RCBTB1: variants seen among roughly 807,000 people sequenced by gnomAD.
The protein encoded by RCBTB1 is RCC1 and BTB domain containing protein 1.
RCBTB1 carries 46 observed loss-of-function variants against 62.4 expected under a neutral mutation model. The ratio of observed to expected loss-of-function variants is 0.74; its 90% CI spans 0.58 to 0.94. The LOEUF (loss-of-function observed/expected upper bound fraction) is 0.94, where lower values mean the gene tolerates loss of function less well. Ranked by LOEUF, RCBTB1 falls within the 40% of genes least tolerant of loss-of-function variation. RCBTB1 has a pLI of 0.00. For missense variants in RCBTB1, 565 were observed against 654.9 expected, an observed-to-expected ratio of 0.86 and a Z score of 1.50; for synonymous variants, 222 against 245.8, an observed-to-expected ratio of 0.90 and a Z score of 0.91.
In RCBTB1 at chr13:49,576,030, C is replaced by A. The variant is rs894602037; in HGVS notation, c.-42+4475G>T. Among the ~76,000 whole-genome samples the A allele has an allele frequency of 2.0e-5, 3 of 151,490 alleles. No individual in the cohort carries two copies. The South Asian group carries it at 6.2e-4, about 31-fold the overall frequency. On this transcript the variant is annotated intron_variant, in intron 2 of 12. Transcript: ENST00000378302. ...TGAAACCTCGTCTCTACTAAAAATA[C>A]GAAAAAATTAGCCGGGTGTGGTGGC...
At chr13:49,548,282 C>T (rs1009919707) in intron 9 of RCBTB1, among the ~76,000 whole-genome samples, 3 of 151,472 alleles carry the variant, frequency 2.0e-5, no homozygotes, top group African/African-American at 7.3e-5. Context: ...ATCCCAGCTA[C>T]TCAGGAGGCT....
intron 5 of RCBTB1, among the ~76,000 whole-genome samples, chr13:49,558,385 A>T (rs774870914): frequency 6.6e-6 from 1 of 152,186 alleles, no homozygotes; most frequent in African/African-American, 2.4e-5. Flanking sequence ...AATACAAATT[A>T]TTAGAAAATA....
At chr13:49,564,912 A>C (rs1049797070) in intron 4 of RCBTB1, among the ~76,000 whole-genome samples, 1 of 152,062 alleles carries the variant, frequency 6.6e-6, no homozygotes, top group African/African-American at 2.4e-5. Context: ...GAAAGAAAGA[A>C]AAGAAAAACG....
At position 49,566,660 on chromosome 13, in the gene RCBTB1, G is replaced by C; in HGVS notation, c.235C>G (p.Leu79Val). The C allele has an allele frequency of 6.2e-7, 1 of 1,614,100 alleles. No homozygotes were observed. The highest frequency in any genetic ancestry group is 1.3e-5 in the African/African-American group (1 of 75,042). The change falls in exon 4 of 13, where the codon CTC (leucine) becomes GTC (valine). Residue 79 changes from leucine (L) to valine (V), a missense_variant. Coordinates refer to ENST00000378302, the MANE Select transcript of RCBTB1 (RefSeq NM_018191.4). ...ACATGTGGTCCACTCCCGTAACTGAGGCTTTTAATCTTCTTTCCACATAAG... is the reference window on the plus strand; with the variant it reads ...ACATGTGGTCCACTCCCGTAACTGACGCTTTTAATCTTCTTTCCACATAAG... ...EGLCGKKIKS[L>V]SYGSGPHVLL...
intron 1 of RCBTB1, among the ~76,000 whole-genome samples, chr13:49,583,167 C>T (rs1964204259): frequency 6.6e-6 from 1 of 151,440 alleles, no homozygotes; most frequent in Non-Finnish European, 1.5e-5. Flanking sequence ...ATAGTGAGAC[C>T]CTGTCTCAAA....
intron 12 of RCBTB1, among the ~76,000 whole-genome samples, chr13:49,535,742 A>C (rs1959886698): frequency 6.6e-6 from 1 of 152,074 alleles, no homozygotes; most frequent in Middle Eastern, 3.2e-3. Context: ...GATAAACCAC[A>C]GGCCAGGCGT....
Position 49,544,785 on chromosome 13 carries a change from C to A in RCBTB1, c.1124G>T (p.Arg375Leu). 1.2e-6 allele frequency: 2 copies of A among 1,611,318 alleles called. No individual in the cohort carries two copies. Among genetic ancestry groups the A allele is most frequent in the East Asian group, 2.2e-5 (1 of 44,750 alleles). ...GACATGAATATATTTTCCATCAATT[C>A]GAAACTTCAGATCAGCAGTTTCTGG... ...DSPETADLKF[R>L]IDGKYIHVHK... Residue 375 changes from arginine (R) to leucine (L), a missense_variant, in exon 10 of 13, where the codon CGA becomes CTA. By Grantham distance (102) the Arg-to-Leu change is moderately radical. Coordinates refer to ENST00000378302, the MANE Select transcript of RCBTB1 (RefSeq NM_018191.4).
At chr13:49,546,331 G>A in intron 9 of RCBTB1, 1 of 985,176 alleles carries the variant, frequency 1.0e-6, no homozygotes, top group Non-Finnish European at 1.2e-6. Flanking sequence ...CAAAGTGAGA[G>A]GGAAAAAACA....
At chr13:49,562,101 G>GA (rs560679693) in intron 4 of RCBTB1, among the ~76,000 whole-genome samples, 4,477 of 111,336 alleles carry the variant, frequency 0.04, 241 homozygotes, top group African/African-American at 0.13. Flanking sequence ...CTATCTCAAA[G>GA]AAAAAAAAAA....
chr13:49,547,095 T>A, intron 9 of RCBTB1: 1 of 1,283,694 alleles, frequency 7.8e-7, no homozygotes. Flanking sequence ...GTGCTTCAGC[T>A]GGGTATGCCA....
chr13:49,560,431 CT>C (rs1337034997), intron 4 of RCBTB1, among the ~76,000 whole-genome samples: 1 of 152,172 alleles, frequency 6.6e-6, no homozygotes, highest in Non-Finnish European at 1.5e-5. Flanking sequence ...GATAAGAAAG[CT>C]CGATGTTAAT....
intron 1 of RCBTB1, among the ~76,000 whole-genome samples, chr13:49,581,678 TAGA>T (rs1964108244): frequency 1.3e-5 from 2 of 152,020 alleles, no homozygotes; most frequent in Non-Finnish European, 2.9e-5. Flanking sequence ...GAGTACCCCC[TAGA>T]AGGGACTGTG....
intron 6 of RCBTB1, among the ~76,000 whole-genome samples, chr13:49,553,149 T>A (rs1485890224): frequency 2.0e-5 from 3 of 152,058 alleles, no homozygotes; most frequent in African/African-American, 7.2e-5. Context: ...GCTACCGTAC[T>A]CCAGCCTGGC....
chr13:49,548,593 GTA>G (rs10589336), intron 9 of RCBTB1, among the ~76,000 whole-genome samples: 125,210 of 150,768 alleles, frequency 0.83, 52,088 homozygotes, highest in East Asian at 0.89. Flanking sequence ...AAAATATGGT[GTA>G]TATATATATA....
At chr13:49,567,471 T>C (rs905319117) in intron 2 of RCBTB1, 151 bp from the exon 3 acceptor site, 2 of 596,940 alleles carry the variant, frequency 3.4e-6, no homozygotes, top group African/African-American at 1.9e-5. Flanking sequence ...CCCCCAGCCA[T>C]GTGTGCAATC....
At chr13:49,534,508 G>A (rs9535258) in intron 12 of RCBTB1, among the ~76,000 whole-genome samples, 72,884 of 151,266 alleles carry the variant, frequency 0.48, 17,890 homozygotes, top group Middle Eastern at 0.6. Context: ...AAACACACAC[G>A]CGCGCGCACA....
intron 4 of RCBTB1, among the ~76,000 whole-genome samples, chr13:49,565,425 C>T (rs1192713870): frequency 6.6e-6 from 1 of 152,134 alleles, no homozygotes; most frequent in African/African-American, 2.4e-5. Context: ...GCAGCCTCTG[C>T]CCGGCCGCCA....
In RCBTB1 at chr13:49,541,941, C is replaced by T. The variant is rs1439470083; in HGVS notation, c.1173-114G>A. On this transcript the variant is annotated intron_variant, in intron 10 of 12. Transcript: ENST00000378302. ...TAAACAGAAGTATCCTTGGGCCGGG[C>T]GTGGTGGCTCATGCCTGTAATCCCA... The T allele has an allele frequency of 1.5e-5, 18 of 1,209,818 alleles. No homozygotes were observed. In the East Asian group the frequency reaches 2.4e-4, roughly 16 times the overall value. 74.9% of individuals were successfully genotyped at this position (1,209,818 alleles called of 1,614,324 possible).
chr13:49,562,661 G>A lies in RCBTB1; in HGVS notation c.278-2577C>T, dbSNP rs1231663625. Among the ~76,000 whole-genome samples, 7 of 151,804 alleles carry A rather than the reference G, an allele frequency of 4.6e-5. 1 individual carries two copies. In the East Asian group the frequency reaches 9.6e-4, roughly 21 times the overall value. On this transcript the variant is annotated intron_variant, in intron 4 of 12. Coordinates refer to ENST00000378302, the MANE Select transcript of RCBTB1 (RefSeq NM_018191.4). ...TGACCCTCACTCTGTCACAAAGGCTGGAGTGCAGTGGCGCAATCATAGCTC... is the reference window on the plus strand; with the variant it reads ...TGACCCTCACTCTGTCACAAAGGCTAGAGTGCAGTGGCGCAATCATAGCTC...
Sources: allele counts gnomAD v4.1 joint callset (sites outside exome capture counted in the v4.1 genomes callset), GRCh38; gene constraint gnomAD v4.1.1; transcripts MANE v1.5; gene names NCBI Gene and HGNC (gene_info 2026-07-23, HGNC 2026-07-21).